Variants in THSD4 observed in about 807,000 individuals in gnomAD.
The protein encoded by THSD4 is thrombospondin type-1 domain-containing protein 4.
A neutral mutation model predicts 119.0 loss-of-function variants in THSD4; 69 were observed. The ratio of observed to expected loss-of-function variants is 0.58; its 90% CI spans 0.48 to 0.71. The LOEUF is 0.71. THSD4 is among the 30% of genes least tolerant of loss of function. THSD4 has a pLI of 0.00. For synonymous variants in THSD4, 524 were observed against 540.4 expected (o/e 0.97, Z 0.42); for missense variants, 1,393 against 1,391.1 (o/e 1.00, Z -0.02).
intron 6 of THSD4, among the ~76,000 whole-genome samples, chr15:71,276,126 T>A (rs2044587365): frequency 1.3e-5 from 2 of 152,226 alleles, no homozygotes; most frequent in South Asian, 4.1e-4. Flanking sequence ...AAATCACTTG[T>A]GTAGCTGTAG....
rs189626639 is a variant in THSD4 at position 71,343,045 on chromosome 15, G to A, written c.1016-68642G>A. On this transcript the variant is annotated intron_variant, in intron 6 of 17. Transcript: ENST00000261862. Reference sequence around the variant, plus strand: ...TTACTGGGCATGTATTATCAGAGCTGGGAGGGAAAATTATTTCTTCTCTGG... The same window carrying A: ...TTACTGGGCATGTATTATCAGAGCTAGGAGGGAAAATTATTTCTTCTCTGG... 4.2e-3 allele frequency among the ~76,000 whole-genome samples: 638 copies of A among 152,294 alleles called. 3 individuals are homozygous for A. The highest frequency in any genetic ancestry group is 5.6e-3 in the Non-Finnish European group (384 of 68,034).
At chr15:71,380,316 T>C (rs114516870) in intron 6 of THSD4, among the ~76,000 whole-genome samples, 2,171 of 152,238 alleles carry the variant, frequency 0.014, 54 homozygotes, top group African/African-American at 0.05. Context: ...AAAGGACTTA[T>C]TTGGTCTCAG....
intron 7 of THSD4, among the ~76,000 whole-genome samples, chr15:71,637,334 T>C (rs866353897): frequency 6.6e-6 from 1 of 152,182 alleles, no homozygotes; most frequent in African/African-American, 2.4e-5. Context: ...GAAACCATCT[T>C]GGGCTGTATA....
chr15:71,114,281 C>G (rs1218067195), upstream of THSD4, among the ~76,000 whole-genome samples: 6 of 151,914 alleles, frequency 3.9e-5, 1 homozygote, highest in Admixed American at 3.9e-4. Flanking sequence ...TCCCACGAAG[C>G]GCTCTGCACC....
At position 71,759,176 on chromosome 15, in the gene THSD4, C is replaced by G. The variant is rs923017189; in HGVS notation, c.2589+1101C>G. ...TATTCAAACCCTATCATCTCTGCCA[C>G]TTCAATGTAGAGTTTTTATGCAAAA... On this transcript the variant is annotated intron_variant, in intron 15 of 17. Transcript: ENST00000261862. Among the ~76,000 whole-genome samples, 6 of 152,192 alleles carry G rather than the reference C, an allele frequency of 3.9e-5. 1 individual carries two copies. Among genetic ancestry groups the G allele is most frequent in the Admixed American group, 3.9e-4 (6 of 15,280 alleles).
chr15:71,771,234 G>T, intron 17 of THSD4, 26 bp downstream of exon 17: 5 of 1,611,706 alleles, frequency 3.1e-6, no homozygotes, highest in Non-Finnish European at 4.2e-6. Context: ...AATCATGGGG[G>T]AAAGGTTTGT....
chr15:71,668,428 C>A (rs976767471), intron 8 of THSD4, among the ~76,000 whole-genome samples: 12 of 152,022 alleles, frequency 7.9e-5, no homozygotes, highest in Non-Finnish European at 1.5e-4. Flanking sequence ...TGAGATGAAG[C>A]CCCAAGAGGC....
At chr15:71,736,243 CCATCTCTCTT>C (rs1030618580) in intron 10 of THSD4, among the ~76,000 whole-genome samples, 1 of 150,136 alleles carries the variant, frequency 6.7e-6, no homozygotes, top group African/African-American at 2.5e-5. Context: ...TGCTCTCTCT[CCATCTCTCTT>C]GCTCTCTGTC....
intron 14 of THSD4, among the ~76,000 whole-genome samples, chr15:71,756,495 G>T (rs1206711134): frequency 6.6e-6 from 1 of 152,158 alleles, no homozygotes; most frequent in African/African-American, 2.4e-5. Flanking sequence ...TGTTTGAAAA[G>T]ATAAAGTTTA....
At chr15:71,579,216 GGTAAGGCAGT>G (rs2140911918) in intron 7 of THSD4, among the ~76,000 whole-genome samples, 1 of 152,298 alleles carries the variant, frequency 6.6e-6, no homozygotes, top group African/African-American at 2.4e-5. Flanking sequence ...ATTGGATTTA[GGTAAGGCAGT>G]GTTATTACTT....
At chr15:71,348,647 A>T (rs11072273) in intron 6 of THSD4, among the ~76,000 whole-genome samples, 1 of 152,132 alleles carries the variant, frequency 6.6e-6, no homozygotes, top group Non-Finnish European at 1.5e-5. Flanking sequence ...ACCTAATCTA[A>T]TGGCTGTTGT....
intron 6 of THSD4, among the ~76,000 whole-genome samples, chr15:71,391,536 AG>A (rs2046379875): frequency 6.6e-6 from 1 of 152,216 alleles, no homozygotes; most frequent in Admixed American, 6.5e-5. Context: ...TACATATTTA[AG>A]GTGAAGTCAG....
At chr15:71,329,262 G>A (rs1161828842) in intron 6 of THSD4, among the ~76,000 whole-genome samples, 1 of 152,176 alleles carries the variant, frequency 6.6e-6, no homozygotes, top group Non-Finnish European at 1.5e-5. Context: ...CTGGCGACAG[G>A]GAGCGGGCCA....
chr15:71,439,174 C>T (rs1566983165), intron 7 of THSD4, among the ~76,000 whole-genome samples: 1 of 152,216 alleles, frequency 6.6e-6, no homozygotes, highest in South Asian at 2.1e-4. Context: ...TCTTGAGGAA[C>T]CGTCTTCTGC....
chr15:71,343,794 C>G (rs2045614587), intron 6 of THSD4, among the ~76,000 whole-genome samples: 1 of 150,644 alleles, frequency 6.6e-6, no homozygotes, highest in Non-Finnish European at 1.5e-5. Flanking sequence ...CTCACTGCAG[C>G]CTCAGCCTCC....
chr15:71,120,085 T>A (rs936567336), intron 1 of THSD4, among the ~76,000 whole-genome samples: 4 of 152,184 alleles, frequency 2.6e-5, no homozygotes, highest in Non-Finnish European at 5.9e-5. Flanking sequence ...ATATGTAATC[T>A]CAGGCCCCCT....
chr15:71,618,553 G>T (rs1300533609), intron 7 of THSD4, among the ~76,000 whole-genome samples: 1 of 152,162 alleles, frequency 6.6e-6, no homozygotes, highest in Non-Finnish European at 1.5e-5. Context: ...AAATGGGGAT[G>T]GTGCAACAAA....
chr15:71,603,520 G>A (rs2140897136), intron 7 of THSD4, among the ~76,000 whole-genome samples: 1 of 152,314 alleles, frequency 6.6e-6, no homozygotes, highest in Non-Finnish European at 1.5e-5. Flanking sequence ...TAAGTTTTGA[G>A]TGGAAGGTTA....
rs71154780 is a variant in THSD4 at position 71,561,863 on chromosome 15, AACACACACACACACACACACACACAC to A, written c.1153-98635_1153-98610del. On this transcript the variant is annotated intron_variant, in intron 7 of 17. Transcript: ENST00000261862. ...TGGACCCAGGACTCCTTTTAAAATA[AACACACACACACACACACACACACAC>A]ACACACACACACACACACACACACA... Among the ~76,000 whole-genome samples, 654 of 130,408 alleles carry A rather than the reference AACACACACACACACACACACACACAC, an allele frequency of 5.0e-3. 11 individuals carry two copies. The highest frequency in any genetic ancestry group is 0.029 in the East Asian group (136 of 4,634). 85.6% of individuals were successfully genotyped at this position (130,408 alleles called of 152,430 possible). A position where few individuals can be genotyped will look rare whatever the true frequency, so the allele number is the denominator to read the frequency against.
Sources: gnomAD v4.1 joint callset for allele counts (sites outside exome capture counted in the v4.1 genomes callset) on GRCh38, gnomAD v4.1.1 for gene constraint, MANE v1.5 for transcripts, NCBI Gene and HGNC (gene_info 2026-07-23, HGNC 2026-07-21) for gene names.